The following DPYD variants were observed in gnomAD, a reference collection of about 807,000 sequenced individuals.
DPYD encodes the protein dihydropyrimidine dehydrogenase [NADP(+)].
DPYD carries 109 observed loss-of-function variants against 116.2 expected under a neutral mutation model. The ratio of observed to expected loss-of-function variants is 0.94; its 90% CI spans 0.80 to 1.10. The LOEUF (loss-of-function observed/expected upper bound fraction) is 1.10, where lower values mean the gene tolerates loss of function less well. Ranked by LOEUF, DPYD falls within the 50% of genes least tolerant of loss-of-function variation. The pLI is 0.00. For missense variants in DPYD, 1,302 were observed against 1,254.5 expected (o/e 1.04, Z -0.57); for synonymous variants, 440 against 432.0 (o/e 1.02, Z -0.23).
chr1:97,430,082 G>A (rs1675091738), intron 14 of DPYD, among the ~76,000 whole-genome samples: 1 of 152,068 alleles, frequency 6.6e-6, no homozygotes, highest in Non-Finnish European at 1.5e-5. Flanking sequence ...GGCATTCAGT[G>A]TCTCTATGAT....
At chr1:97,746,295 T>A (rs1664550007) in intron 3 of DPYD, among the ~76,000 whole-genome samples, 1 of 152,270 alleles carries the variant, frequency 6.6e-6, no homozygotes, top group Non-Finnish European at 1.5e-5. Context: ...TAAGCAACTG[T>A]GATTTAGCTG....
intron 2 of DPYD, among the ~76,000 whole-genome samples, chr1:97,858,207 A>C (rs1441001309): frequency 6.6e-6 from 1 of 152,106 alleles, no homozygotes; most frequent in Non-Finnish European, 1.5e-5. Context: ...TAGGACTGGA[A>C]TCTGTAAGAT....
intron 18 of DPYD, among the ~76,000 whole-genome samples, chr1:97,238,092 T>C (rs746466412): frequency 3.3e-5 from 5 of 152,202 alleles, no homozygotes; most frequent in Admixed American, 6.5e-5. Flanking sequence ...CAAATTCTTA[T>C]TGGCATTTGA....
chr1:97,191,087 A>AAC (rs958379556), intron 20 of DPYD, among the ~76,000 whole-genome samples: 14 of 134,338 alleles, frequency 1.0e-4, no homozygotes, highest in East Asian at 2.6e-4. Flanking sequence ...CGTACATACA[A>AAC]ACACACACAC....
At chr1:97,110,347 C>G (rs926746141) in intron 20 of DPYD, among the ~76,000 whole-genome samples, 32 of 152,064 alleles carry the variant, frequency 2.1e-4, no homozygotes, top group African/African-American at 7.2e-4. Context: ...ATCCCACTCA[C>G]CTGCACTTTC....
chr1:97,854,135 T>G (rs1670702460), intron 2 of DPYD, among the ~76,000 whole-genome samples: 1 of 152,194 alleles, frequency 6.6e-6, no homozygotes, highest in Non-Finnish European at 1.5e-5. Flanking sequence ...ATTATTTAAT[T>G]GTTTGCCTTT....
chr1:97,506,457 A>T (rs1477183983), intron 13 of DPYD, among the ~76,000 whole-genome samples: 3 of 151,980 alleles, frequency 2.0e-5, no homozygotes, highest in Non-Finnish European at 4.4e-5. Flanking sequence ...CAGTTTCTCA[A>T]ACAGCAGGAC....
chr1:97,814,939 A>AAGAAAGAAAGGAG (rs1553245567), intron 3 of DPYD, among the ~76,000 whole-genome samples: 4,335 of 102,662 alleles, frequency 0.042, 276 homozygotes, highest in African/African-American at 0.12. Flanking sequence ...AGAGGAAAGA[A>AAGAAAGAAAGGAG]AGAAAGAAAG....
At chr1:97,509,273 T>C (rs916255109) in intron 13 of DPYD, among the ~76,000 whole-genome samples, 9 of 152,084 alleles carry the variant, frequency 5.9e-5, no homozygotes, top group African/African-American at 2.2e-4. Flanking sequence ...CATAACAAAA[T>C]ATAAAACATG....
intron 8 of DPYD, among the ~76,000 whole-genome samples, chr1:97,607,569 C>A (rs151173246): frequency 8.6e-5 from 13 of 151,384 alleles, no homozygotes; most frequent in African/African-American, 2.9e-4. Flanking sequence ...CCAGGGAGAG[C>A]GTATACAATA....
At chr1:97,247,990 G>A (rs984760706) in intron 18 of DPYD, among the ~76,000 whole-genome samples, 2 of 152,172 alleles carry the variant, frequency 1.3e-5, no homozygotes, top group Non-Finnish European at 2.9e-5. Flanking sequence ...GGAAGAATGA[G>A]CCAATCTCAA....
chr1:97,505,227 T>C (rs1187454308), intron 13 of DPYD, among the ~76,000 whole-genome samples: 1 of 152,056 alleles, frequency 6.6e-6, no homozygotes, highest in Non-Finnish European at 1.5e-5. Flanking sequence ...AATTGAATTA[T>C]GTAATTTCTT....
At chr1:97,393,777 C>A (rs1332836190) in intron 14 of DPYD, among the ~76,000 whole-genome samples, 1 of 152,084 alleles carries the variant, frequency 6.6e-6, no homozygotes, top group Non-Finnish European at 1.5e-5. Flanking sequence ...TTTATAGCAG[C>A]ATGATTTATA....
chr1:97,747,449 C>A (rs1664620496), intron 3 of DPYD, among the ~76,000 whole-genome samples: 1 of 152,068 alleles, frequency 6.6e-6, no homozygotes, highest in Admixed American at 6.6e-5. Flanking sequence ...TCTTTATTCA[C>A]CTTAAAGATG....
At chr1:97,770,867 T>C (rs79582923) in intron 3 of DPYD, among the ~76,000 whole-genome samples, 2,712 of 152,326 alleles carry the variant, frequency 0.018, 85 homozygotes, top group African/African-American at 0.062. Context: ...TGTTTGTGCA[T>C]ATGTAGCTAA....
At chr1:97,559,582 G>C (rs1651992233) in intron 11 of DPYD, among the ~76,000 whole-genome samples, 1 of 151,674 alleles carries the variant, frequency 6.6e-6, no homozygotes, top group Non-Finnish European at 1.5e-5. Context: ...AATTTCATAA[G>C]TTCCTGTAAT....
intron 16 of DPYD, among the ~76,000 whole-genome samples, chr1:97,325,061 A>C (rs1489408211): frequency 6.6e-6 from 1 of 152,058 alleles, no homozygotes; most frequent in African/African-American, 2.4e-5. Context: ...ATGGGGGAAA[A>C]AAATCTTTAA....
intron 12 of DPYD, among the ~76,000 whole-genome samples, chr1:97,548,189 G>T (rs1212126800): frequency 2.6e-5 from 4 of 152,034 alleles, no homozygotes; most frequent in Admixed American, 2.6e-4. Context: ...AGGAAAGAAA[G>T]AATAAAAATT....
chr1:97,389,479 T>G (rs1557678618), intron 14 of DPYD, among the ~76,000 whole-genome samples: 1 of 151,974 alleles, frequency 6.6e-6, no homozygotes, highest in African/African-American at 2.4e-5. Context: ...GGAACACAGA[T>G]TACAGTCCCC....
Sources: allele counts gnomAD v4.1 joint callset (sites outside exome capture counted in the v4.1 genomes callset), GRCh38; gene constraint gnomAD v4.1.1; transcripts MANE v1.5; gene names NCBI Gene and HGNC (gene_info 2026-07-23, HGNC 2026-07-21).